ANKS1B: variants seen among roughly 807,000 people sequenced by gnomAD.
ANKS1B encodes ankyrin repeat and sterile alpha motif domain containing 1B.
ANKS1B carries 36 observed loss-of-function variants against 148.3 expected under a neutral mutation model. That is an observed-to-expected ratio of 0.24 (90% CI 0.19 to 0.32). ANKS1B has a LOEUF of 0.32. Among genes scored for constraint, ANKS1B ranks in the 10% least tolerant of loss-of-function variants. ANKS1B has a pLI of 1.00. For synonymous variants in ANKS1B, 542 were observed against 560.8 expected (o/e 0.97, Z 0.47); for missense variants, 1,157 against 1,542.6 (o/e 0.75, Z 4.19).
At chr12:99,063,943 C>G (rs991737956) in intron 16 of ANKS1B, among the ~76,000 whole-genome samples, 1 of 152,180 alleles carries the variant, frequency 6.6e-6, no homozygotes. Context: ...GTTATGGATA[C>G]AATTTCTATA....
In ANKS1B at chr12:98,829,107, C is replaced by T; in HGVS notation, c.3066+67G>A. 1.3e-6 allele frequency: 2 copies of T among 1,560,626 alleles called. No homozygotes were observed. Among genetic ancestry groups the T allele is most frequent in the Non-Finnish European group, 1.8e-6 (2 of 1,135,368 alleles). On this transcript the variant is annotated intron_variant, in intron 19 of 26. Coordinates refer to ENST00000683438, the MANE Select transcript of ANKS1B (RefSeq NM_001352186.2). The surrounding 1 kb of genome is among the most constrained non-coding windows in gnomAD (Gnocchi z 5.2). The stretch of plus-strand genomic sequence containing the variant: ...GACAATAAGCATCCATAGGAAGCTA[C>T]TGTTCACTATTAAAAGGCATTACCT...
chr12:99,644,508 C>A (rs951438547), intron 9 of ANKS1B, among the ~76,000 whole-genome samples: 1 of 152,126 alleles, frequency 6.6e-6, no homozygotes, highest in Admixed American at 6.5e-5. Flanking sequence ...CCCTTATTAG[C>A]GGCATCTTTA....
chr12:99,065,609 TCCATCCATCCATCCATCCATCCATCCATC>T (rs2043890337), intron 16 of ANKS1B, among the ~76,000 whole-genome samples: 2 of 128,432 alleles, frequency 1.6e-5, no homozygotes, highest in Non-Finnish European at 3.3e-5. Context: ...CATCCATCCA[TCCATCCATCCATCCATCCATCCATCCATC>T]CCATCCATCC....
At chr12:99,143,650 T>C (rs1285860533) in intron 15 of ANKS1B, among the ~76,000 whole-genome samples, 1 of 152,140 alleles carries the variant, frequency 6.6e-6, no homozygotes, top group Non-Finnish European at 1.5e-5. Context: ...ATGAAATGAC[T>C]GCCACTCAGA....
chr12:98,967,199 A>C (rs1177609328), intron 17 of ANKS1B, among the ~76,000 whole-genome samples: 1 of 152,042 alleles, frequency 6.6e-6, no homozygotes, highest in African/African-American at 2.4e-5. Flanking sequence ...GTCAAATATC[A>C]AAAAAATGGA....
intron 9 of ANKS1B, among the ~76,000 whole-genome samples, chr12:99,638,797 C>G (rs957776577): frequency 1.3e-5 from 2 of 152,178 alleles, no homozygotes; most frequent in African/African-American, 4.8e-5. Flanking sequence ...AGGGAAAATA[C>G]GGTTTCCTGA....
chr12:99,597,993 G>C (rs1443971311), intron 9 of ANKS1B, among the ~76,000 whole-genome samples: 1 of 151,936 alleles, frequency 6.6e-6, no homozygotes, highest in African/African-American at 2.4e-5. Context: ...ACTGAAATAG[G>C]GGTGAGAAAA....
At chr12:99,770,876 A>T (rs933101188) in intron 8 of ANKS1B, among the ~76,000 whole-genome samples, 1 of 152,148 alleles carries the variant, frequency 6.6e-6, no homozygotes, top group Non-Finnish European at 1.5e-5. Flanking sequence ...AAATATTTTC[A>T]AAGAACACTA....
At chr12:99,707,092 A>G (rs2055917940) in intron 8 of ANKS1B, among the ~76,000 whole-genome samples, 2 of 152,158 alleles carry the variant, frequency 1.3e-5, no homozygotes, top group Non-Finnish European at 2.9e-5. Context: ...ATGGCCACAC[A>G]GCAATAGATG....
intron 9 of ANKS1B, among the ~76,000 whole-genome samples, chr12:99,572,174 A>G (rs2153223308): frequency 6.6e-6 from 1 of 152,224 alleles, no homozygotes; most frequent in South Asian, 2.1e-4. Context: ...TACAGCTATT[A>G]TATTCCAAGA....
intron 11 of ANKS1B, among the ~76,000 whole-genome samples, chr12:99,415,647 C>G (rs995623722): frequency 6.6e-6 from 1 of 152,136 alleles, no homozygotes; most frequent in Non-Finnish European, 1.5e-5. Flanking sequence ...GTAAAAAGGA[C>G]AAGAAACAGA....
intron 9 of ANKS1B, among the ~76,000 whole-genome samples, chr12:99,557,159 T>C (rs990556872): frequency 6.6e-6 from 1 of 152,212 alleles, no homozygotes; most frequent in Non-Finnish European, 1.5e-5. Context: ...GGGATGGTTG[T>C]CTTACATAGT....
chr12:99,283,312 CA>C (rs1470886586), intron 12 of ANKS1B, among the ~76,000 whole-genome samples: 1 of 152,150 alleles, frequency 6.6e-6, no homozygotes, highest in Non-Finnish European at 1.5e-5. Context: ...GCTCCTCAAT[CA>C]GGTCCTCAAA....
chr12:99,403,559 C>A lies in ANKS1B; in HGVS notation c.1576-3748G>T, dbSNP rs185995328. Among the ~76,000 whole-genome samples the A allele has an allele frequency of 6.6e-3, 960 of 144,774 alleles. 109 individuals carry two copies. Among genetic ancestry groups the A allele is most frequent in the Non-Finnish European group, 9.5e-3 (625 of 65,806 alleles). 95.0% of individuals were successfully genotyped at this position (144,774 alleles called of 152,430 possible). ...TAGCCTTTGTCAGGTGAATAGTTTG[C>A]AAAAATTTTCTCCCCTTCTGTGGGT... is the stretch of plus-strand genomic sequence containing the variant. On this transcript the variant is annotated intron_variant, in intron 11 of 26. Transcript: ENST00000683438.
At chr12:99,915,812 G>A (rs891950028) in intron 1 of ANKS1B, among the ~76,000 whole-genome samples, 11 of 152,166 alleles carry the variant, frequency 7.2e-5, no homozygotes, top group African/African-American at 2.7e-4. Context: ...AGACATTGTT[G>A]GTTCCTTTTA....
chr12:99,571,888 A>G (rs981777343), intron 9 of ANKS1B, among the ~76,000 whole-genome samples: 1 of 152,172 alleles, frequency 6.6e-6, no homozygotes, highest in Non-Finnish European at 1.5e-5. Context: ...TGAATTTTCC[A>G]AAGTATTTTA....
chr12:98,984,869 G>A (rs143117855), intron 17 of ANKS1B, among the ~76,000 whole-genome samples: 23 of 152,086 alleles, frequency 1.5e-4, no homozygotes, highest in Non-Finnish European at 2.9e-4. Context: ...AAATTAGCTG[G>A]GCATGGTGGT....
At chr12:98,994,698 C>T (rs1272410250) in intron 17 of ANKS1B, among the ~76,000 whole-genome samples, 1 of 152,084 alleles carries the variant, frequency 6.6e-6, no homozygotes, top group African/African-American at 2.4e-5. Context: ...GCTTCTAAAG[C>T]CTCTCTCCTT....
chr12:99,424,215 G>A (rs938157954), intron 11 of ANKS1B, among the ~76,000 whole-genome samples: 2 of 152,048 alleles, frequency 1.3e-5, no homozygotes, highest in Non-Finnish European at 2.9e-5. Flanking sequence ...TATGGATTAT[G>A]TACTTTATCA....
Sources: allele counts gnomAD v4.1 joint callset (sites outside exome capture counted in the v4.1 genomes callset), GRCh38; gene constraint gnomAD v4.1.1; non-coding constraint Gnocchi (gnomAD v3.1); transcripts MANE v1.5; gene names NCBI Gene and HGNC (gene_info 2026-07-23, HGNC 2026-07-21).